Variants in COL13A1 observed in about 807,000 individuals in gnomAD.
The protein encoded by COL13A1 is collagen alpha-1(XIII) chain.
In COL13A1, 89 loss-of-function variants were observed where a neutral mutation model predicts 130.9. That is an observed-to-expected ratio of 0.68 (90% confidence interval 0.57 to 0.81). The LOEUF is 0.81. COL13A1 is among the 30% of genes least tolerant of loss of function. The pLI, the probability that COL13A1 is intolerant of heterozygous loss-of-function variation, is 0.00. For missense variants in COL13A1, 879 were observed against 934.6 expected, an observed-to-expected ratio of 0.94 and a Z score of 0.78; for synonymous variants, 402 against 341.6, an observed-to-expected ratio of 1.18 and a Z score of -1.95.
chr10:69,870,515 T>C (rs2134046161), intron 3 of COL13A1, among the ~76,000 whole-genome samples: 1 of 150,454 alleles, frequency 6.6e-6, no homozygotes, highest in African/African-American at 2.4e-5. Flanking sequence ...GAGACGGGGT[T>C]TTGCTATATT....
At position 69,959,083 on chromosome 10, in the gene COL13A1, G is replaced by C. The variant is rs181770708; in HGVS notation, c.*382G>C. On this transcript the variant is annotated 3_prime_UTR_variant, in exon 41 of 41. Transcript: ENST00000645393. ...GTCCATGATATTTGCTAAGCTAGGTGTGTCTAAGAGTATTTTAAACCCTTA... is the reference window on the plus strand; with the variant it reads ...GTCCATGATATTTGCTAAGCTAGGTCTGTCTAAGAGTATTTTAAACCCTTA... 3 of 190,636 alleles carry C rather than the reference G, an allele frequency of 1.6e-5. No homozygotes were observed. The highest frequency in any genetic ancestry group is 3.2e-5 in the Non-Finnish European group (3 of 92,660). 11.8% of individuals were successfully genotyped at this position (190,636 alleles called of 1,614,324 possible).
At chr10:69,835,167 C>G (rs1849725353) in intron 2 of COL13A1, among the ~76,000 whole-genome samples, 1 of 152,140 alleles carries the variant, frequency 6.6e-6, no homozygotes, top group Non-Finnish European at 1.5e-5. Flanking sequence ...CAGATGAGCT[C>G]CCTGCCCTAG....
intron 37 of COL13A1, among the ~76,000 whole-genome samples, chr10:69,946,352 A>G (rs78513238): frequency 0.026 from 3,916 of 152,280 alleles, 100 homozygotes; most frequent in South Asian, 0.11. Context: ...GGCAGAATCA[A>G]ATCCAGACCC....
chr10:69,896,214 C>T (rs1474915573), intron 13 of COL13A1, among the ~76,000 whole-genome samples: 4 of 152,030 alleles, frequency 2.6e-5, no homozygotes, highest in African/African-American at 9.7e-5. Context: ...CCTCTGCCCA[C>T]CCCCGCCTGC....
At chr10:69,920,972 A>G (rs1031653807) in intron 21 of COL13A1, among the ~76,000 whole-genome samples, 16 of 152,064 alleles carry the variant, frequency 1.1e-4, no homozygotes, top group African/African-American at 3.9e-4. Flanking sequence ...GTCATGGGGG[A>G]AAAAGAGTTC....
In COL13A1 at chr10:69,930,500, GGA is replaced by G; in HGVS notation, c.1633_1634del (p.Ser545ProfsTer150). 1 of 1,613,920 alleles carries G rather than the reference GGA, an allele frequency of 6.2e-7. No homozygotes were observed. The highest frequency in any genetic ancestry group is 8.5e-7 in the Non-Finnish European group (1 of 1,179,844). On this transcript the variant is annotated frameshift_variant, in exon 30 of 41. Transcript: ENST00000645393. LOFTEE classifies it high-confidence loss of function. ...GTGAAGGGAGAAAACGGGCACCCAGGGAGCCCAGGAGAGAAGGGGGAAAAAGG... is the reference window on the plus strand; with the variant it reads ...GTGAAGGGAGAAAACGGGCACCCAGGGCCCAGGAGAGAAGGGGGAAAAAGG...
intron 38 of COL13A1, among the ~76,000 whole-genome samples, chr10:69,951,752 G>T (rs556785186): frequency 1.3e-5 from 2 of 152,138 alleles, no homozygotes; most frequent in South Asian, 4.1e-4. Flanking sequence ...ACAAAGTCAC[G>T]CAGCTAACTG....
chr10:69,930,041 A>C lies in COL13A1; in HGVS notation c.1486-2A>C. The C allele has an allele frequency of 6.2e-7, 1 of 1,613,864 alleles. No individual in the cohort carries two copies. The highest frequency in any genetic ancestry group is 1.1e-5 in the South Asian group (1 of 91,062). On this transcript the variant is annotated splice_acceptor_variant, in intron 28 of 40. Coordinates refer to ENST00000645393, the MANE Select transcript of COL13A1 (RefSeq NM_001368882.1). LOFTEE classifies it high-confidence loss of function. ...AGTCACCTTTAGTTGTTCCGGTTAC[A>C]GGGGGAGATTGGACTGCCAGGCCCT...
At chr10:69,928,776 T>C (rs890174230) in intron 27 of COL13A1, among the ~76,000 whole-genome samples, 161 bp from the exon 28 acceptor site, 1 of 152,170 alleles carries the variant, frequency 6.6e-6, no homozygotes, top group Admixed American at 6.5e-5. Context: ...GCATTTTGGG[T>C]TCCCCATGTT....
intron 28 of COL13A1, 120 bp from the exon 29 acceptor site, chr10:69,929,923 T>G: frequency 3.6e-6 from 3 of 828,952 alleles, no homozygotes; most frequent in Non-Finnish European, 6.0e-6. Context: ...ACAGTTAGAA[T>G]TAAATGAGCA....
At chr10:69,842,406 C>T (rs1851852465) in intron 2 of COL13A1, among the ~76,000 whole-genome samples, 1 of 152,222 alleles carries the variant, frequency 6.6e-6, no homozygotes, top group Admixed American at 6.5e-5. Context: ...GACTATTACA[C>T]TGGCTTCTGT....
intron 3 of COL13A1, among the ~76,000 whole-genome samples, chr10:69,870,927 G>A (rs1225539080): frequency 2.0e-5 from 3 of 152,158 alleles, no homozygotes; most frequent in Admixed American, 1.3e-4. Flanking sequence ...AGTTTTTCCT[G>A]AGAATGGGGC....
chr10:69,872,803 G>A (rs2059204184), intron 4 of COL13A1, among the ~76,000 whole-genome samples: 1 of 152,142 alleles, frequency 6.6e-6, no homozygotes, highest in Non-Finnish European at 1.5e-5. Flanking sequence ...AGTGAAATGG[G>A]TATGATTATA....
chr10:69,927,332 G>A lies in COL13A1; in HGVS notation c.1422+222G>A, dbSNP rs182961367. Among the ~76,000 whole-genome samples, 601 of 152,270 alleles carry A rather than the reference G, an allele frequency of 3.9e-3. 13 individuals carry two copies. Among genetic ancestry groups the A allele is most frequent in the Admixed American group, 0.026 (402 of 15,302 alleles). Reference sequence around the variant, plus strand: ...GCTGCCCGTGCCCTGGGTCATGGGTGTCCTCTGTGTAAAGGCTCTTCACCA... The same window carrying A: ...GCTGCCCGTGCCCTGGGTCATGGGTATCCTCTGTGTAAAGGCTCTTCACCA... On this transcript the variant is annotated intron_variant, in intron 27 of 40. Coordinates refer to ENST00000645393, the MANE Select transcript of COL13A1 (RefSeq NM_001368882.1).
At chr10:69,936,160 GGAAGGAAGGAAGGAAGGAAA>G (rs1565119424) in intron 32 of COL13A1, among the ~76,000 whole-genome samples, 1 of 6,934 alleles carries the variant, frequency 1.4e-4, no homozygotes, top group Non-Finnish European at 4.7e-4. Flanking sequence ...AAGGAAGGAA[GGAAGGAAGGAAGGAAGGAAA>G]GGAAAGGAAG....
At chr10:69,886,506 G>A (rs780609829) in intron 7 of COL13A1, among the ~76,000 whole-genome samples, 12 of 152,308 alleles carry the variant, frequency 7.9e-5, no homozygotes, top group South Asian at 2.1e-4. Context: ...GGTGAACGGC[G>A]GGTGAGCCAG....
rs1261296612 is a variant in COL13A1, at chr10:69,889,310, G to A, written c.577-104G>A. On this transcript the variant is annotated intron_variant, in intron 9 of 40. Transcript: ENST00000645393. ...GCACAGGGGACAGGGAGGAGCACGG[G>A]GGGCAGGGAGGAGCACAGGGGGCAG... The A allele has an allele frequency of 1.5e-5, 13 of 839,140 alleles. No individual in the cohort carries two copies. The East Asian group carries it at 9.6e-4, about 62-fold the overall frequency. 52.0% of individuals were successfully genotyped at this position (839,140 alleles called of 1,614,324 possible). A position where few individuals can be genotyped will look rare whatever the true frequency, so the allele number is the denominator to read the frequency against.
intron 18 of COL13A1, 25 bp downstream of exon 18, chr10:69,917,358 A>T: frequency 6.2e-7 from 1 of 1,606,588 alleles, no homozygotes; most frequent in Non-Finnish European, 8.5e-7. Flanking sequence ...CCCACATCCC[A>T]GGCAGCCCCA....
intron 38 of COL13A1, among the ~76,000 whole-genome samples, chr10:69,950,745 G>A (rs1019038219): frequency 6.6e-6 from 1 of 152,196 alleles, no homozygotes; most frequent in Non-Finnish European, 1.5e-5. Context: ...TGCATTTTTA[G>A]AAAATTCATT....
Sources: allele counts gnomAD v4.1 joint callset (sites outside exome capture counted in the v4.1 genomes callset), GRCh38; gene constraint gnomAD v4.1.1; transcripts MANE v1.5; gene names NCBI Gene and HGNC (gene_info 2026-07-23, HGNC 2026-07-21).